The following TBC1D22A variants were observed in gnomAD, a reference collection of about 807,000 sequenced individuals.
TBC1D22A encodes putative GTPase activator.
Under a neutral mutation model 60.2 loss-of-function variants are expected in TBC1D22A, and 38 were observed. The observed-to-expected ratio is 0.63, with a 90% confidence interval of 0.49 to 0.83. The LOEUF (loss-of-function observed/expected upper bound fraction) is 0.83, where lower values mean the gene tolerates loss of function less well. TBC1D22A is among the 40% of genes least tolerant of loss of function. The probability of loss-of-function intolerance (pLI) is 0.00; values close to 1 mark genes in which losing one functional copy is unlikely to be tolerated. For synonymous variants in TBC1D22A, 302 were observed against 281.7 expected (o/e 1.07, Z -0.72); for missense variants, 628 against 701.0 (o/e 0.90, Z 1.18).
At chr22:46,798,625 G>C (rs543748736) in intron 4 of TBC1D22A, among the ~76,000 whole-genome samples, 8 of 152,382 alleles carry the variant, frequency 5.2e-5, no homozygotes, top group South Asian at 2.1e-4. Flanking sequence ...CTCTGGCTAG[G>C]TGTTTGCTAG....
At chr22:46,937,214 A>AC (rs1602556728) in intron 8 of TBC1D22A, among the ~76,000 whole-genome samples, 2 of 152,202 alleles carry the variant, frequency 1.3e-5, no homozygotes, top group Non-Finnish European at 2.9e-5. Flanking sequence ...AGAAAATCTT[A>AC]TTTTTAAAAA....
intron 1 of TBC1D22A, 133 bp from the exon 2 acceptor site, chr22:46,792,387 C>A: frequency 8.0e-7 from 1 of 1,250,692 alleles, no homozygotes; most frequent in Non-Finnish European, 1.2e-6. Flanking sequence ...GCAGGGGGGC[C>A]TGCGACAGCC....
At position 46,878,829 on chromosome 22, in the gene TBC1D22A, G is replaced by T. The variant is rs73470818; in HGVS notation, c.708+106G>T. 3,037 of 1,050,756 alleles carry T rather than the reference G, an allele frequency of 2.9e-3. 59 individuals carry two copies. In the African/African-American group the frequency reaches 0.041, roughly 14 times the overall value. 65.1% of individuals were successfully genotyped at this position (1,050,756 alleles called of 1,614,324 possible). On this transcript the variant is annotated intron_variant, in intron 5 of 12. Coordinates refer to ENST00000337137, the MANE Select transcript of TBC1D22A (RefSeq NM_014346.5). ...AGCCACAGCCCACGGGTTTGCCTTG[G>T]CTTTGTTGCAGTGATAAAGGCCTTT...
At chr22:46,908,862 G>GT (rs1260904677) in intron 7 of TBC1D22A, among the ~76,000 whole-genome samples, 6 of 152,172 alleles carry the variant, frequency 3.9e-5, no homozygotes, top group African/African-American at 1.4e-4. Context: ...GTAGTGCATA[G>GT]TGCATTCCAT....
At chr22:47,082,072 C>T (rs1168106331) in intron 11 of TBC1D22A, among the ~76,000 whole-genome samples, 4 of 152,050 alleles carry the variant, frequency 2.6e-5, no homozygotes, top group Non-Finnish European at 4.4e-5. Context: ...GCAGAAGAAT[C>T]GCTTGAACCC....
chr22:47,038,843 C>T (rs1033377380), intron 11 of TBC1D22A, among the ~76,000 whole-genome samples: 1 of 152,314 alleles, frequency 6.6e-6, no homozygotes, highest in East Asian at 1.9e-4. Context: ...AATTTCTGGC[C>T]AGCAGCATTT....
At chr22:46,808,806 G>T (rs892609876) in intron 4 of TBC1D22A, among the ~76,000 whole-genome samples, 22 of 152,206 alleles carry the variant, frequency 1.4e-4, no homozygotes, top group African/African-American at 5.1e-4. Flanking sequence ...GTGTTAGCCA[G>T]GATGGTCTCA....
In TBC1D22A at chr22:46,839,376, C is replaced by T. The variant is rs533320128; in HGVS notation, c.638-39277C>T. ...AGGCTGGAGTGCAGTGGCGTGATCT[C>T]GGCTTACTGCAACCTGGAGGTGAAG... On this transcript the variant is annotated intron_variant, in intron 4 of 12. Transcript: ENST00000337137. Among the ~76,000 whole-genome samples the T allele has an allele frequency of 2.7e-5, 4 of 150,634 alleles. No individual in the cohort carries two copies. The South Asian group carries it at 8.4e-4, about 32-fold the overall frequency.
intron 11 of TBC1D22A, among the ~76,000 whole-genome samples, chr22:47,071,261 C>T (rs2063976352): frequency 6.6e-6 from 1 of 152,212 alleles, no homozygotes; most frequent in Non-Finnish European, 1.5e-5. Context: ...GTTTAAGCCT[C>T]CCAGGAGCTT....
At chr22:46,794,363 C>A (rs896439439) in intron 3 of TBC1D22A, among the ~76,000 whole-genome samples, 1 of 152,192 alleles carries the variant, frequency 6.6e-6, no homozygotes, top group East Asian at 1.9e-4. Flanking sequence ...ACTTTTGGGT[C>A]GGCCACGTTT....
chr22:46,974,442 C>T (rs764285621), intron 9 of TBC1D22A, 43 bp downstream of exon 9: 220 of 1,535,904 alleles, frequency 1.4e-4, no homozygotes, highest in Non-Finnish European at 1.8e-4. Context: ...GCCCACAGCC[C>T]CTGCGGTGAA....
At chr22:46,826,996 TC>T (rs2086098325) in intron 4 of TBC1D22A, among the ~76,000 whole-genome samples, 1 of 152,188 alleles carries the variant, frequency 6.6e-6, no homozygotes, top group African/African-American at 2.4e-5. Context: ...CTGTTTTTCT[TC>T]CTTTGCCAGG....
chr22:46,923,668 G>A (rs9616157), intron 8 of TBC1D22A, among the ~76,000 whole-genome samples: 13,399 of 152,320 alleles, frequency 0.088, 664 homozygotes, highest in Non-Finnish European at 0.11. Flanking sequence ...GGCAGCCGCC[G>A]TACCACTGTG....
chr22:46,924,369 A>C (rs1275949190), intron 8 of TBC1D22A, among the ~76,000 whole-genome samples: 2 of 152,208 alleles, frequency 1.3e-5, no homozygotes, highest in Non-Finnish European at 2.9e-5. Context: ...TATCTAATTG[A>C]CTTGATTTTC....
At chr22:46,938,048 A>G (rs1442080392) in intron 8 of TBC1D22A, among the ~76,000 whole-genome samples, 1 of 152,202 alleles carries the variant, frequency 6.6e-6, no homozygotes, top group Non-Finnish European at 1.5e-5. Context: ...ATAATAATAA[A>G]TGTCGTGTGG....
chr22:47,027,058 G>T lies in TBC1D22A; in HGVS notation c.1202-10013G>T, dbSNP rs564697709. 8.7e-4 allele frequency among the ~76,000 whole-genome samples: 133 copies of T among 152,262 alleles called. 1 individual carries two copies. The highest frequency in any genetic ancestry group is 3.1e-3 in the African/African-American group (127 of 41,544). On this transcript the variant is annotated intron_variant, in intron 10 of 12. Coordinates refer to ENST00000337137, the MANE Select transcript of TBC1D22A (RefSeq NM_014346.5). Reference sequence around the variant, plus strand: ...CAAGACAGCATGTTGTTGCCATTGAGATAAGAAAAGAGATCAGTGGAATAG... The same window carrying T: ...CAAGACAGCATGTTGTTGCCATTGATATAAGAAAAGAGATCAGTGGAATAG...
At chr22:47,164,648 G>A (rs1201161487) in intron 12 of TBC1D22A, among the ~76,000 whole-genome samples, 1 of 152,196 alleles carries the variant, frequency 6.6e-6, no homozygotes, top group African/African-American at 2.4e-5. Flanking sequence ...ATGGAGACAC[G>A]GGAGGAAGGA....
chr22:47,044,312 C>G (rs1255583881), intron 11 of TBC1D22A, among the ~76,000 whole-genome samples: 1 of 152,208 alleles, frequency 6.6e-6, no homozygotes, highest in Non-Finnish European at 1.5e-5. Flanking sequence ...TGTCCTCAGC[C>G]CTGCCTTTCC....
At chr22:47,135,538 G>C (rs529592348) in intron 12 of TBC1D22A, among the ~76,000 whole-genome samples, 2 of 152,228 alleles carry the variant, frequency 1.3e-5, no homozygotes, top group South Asian at 2.1e-4. Flanking sequence ...CACTCGGGGG[G>C]CGCAGGTGCC....
Sources: gnomAD v4.1 joint callset for allele counts (sites outside exome capture counted in the v4.1 genomes callset) on GRCh38, gnomAD v4.1.1 for gene constraint, MANE v1.5 for transcripts, NCBI Gene and HGNC (gene_info 2026-07-23, HGNC 2026-07-21) for gene names.